DNAJC3: variants seen among roughly 807,000 people sequenced by gnomAD.
DNAJC3 encodes the protein DnaJ heat shock protein family (Hsp40) member C3.
DNAJC3 carries 38 observed loss-of-function variants against 68.6 expected under a neutral mutation model. The observed-to-expected ratio is 0.55, with a 90% CI of 0.43 to 0.73. The LOEUF is 0.73. DNAJC3 is among the 30% of genes least tolerant of loss of function. The pLI is 0.00. For synonymous variants in DNAJC3, 203 were observed against 204.0 expected (o/e 1.00, Z 0.04); for missense variants, 526 against 591.9 (o/e 0.89, Z 1.16).
At chr13:95,711,751 T>A (rs776118132) in intron 2 of DNAJC3, among the ~76,000 whole-genome samples, 22 of 152,064 alleles carry the variant, frequency 1.4e-4, no homozygotes, top group Non-Finnish European at 2.1e-4. Flanking sequence ...AAATAACAAA[T>A]TTATAATTAC....
rs188112042 is a variant in DNAJC3, at chr13:95,680,386, T to C, written c.82+3049T>C. ...ATACGTATAAAATATTGTGATAAGTTTTATTTGAACCATGATAAGTTTTAT... is the reference window on the plus strand; with the variant it reads ...ATACGTATAAAATATTGTGATAAGTCTTATTTGAACCATGATAAGTTTTAT... On this transcript the variant is annotated intron_variant, in intron 1 of 11. Coordinates refer to ENST00000602402, the MANE Select transcript of DNAJC3 (RefSeq NM_006260.5). Among the ~76,000 whole-genome samples, 1,312 of 152,264 alleles carry C rather than the reference T, an allele frequency of 8.6e-3. 7 individuals carry two copies. Among genetic ancestry groups the C allele is most frequent in the Non-Finnish European group, 0.013 (882 of 68,010 alleles).
chr13:95,790,059 TGTTTA>T (rs1264954849), intron 11 of DNAJC3, among the ~76,000 whole-genome samples: 1 of 152,248 alleles, frequency 6.6e-6, no homozygotes, highest in Non-Finnish European at 1.5e-5. Flanking sequence ...GTAGGTTGTC[TGTTTA>T]CTCTGTTGAT....
intron 1 of DNAJC3, among the ~76,000 whole-genome samples, chr13:95,680,912 A>C (rs1036364256): frequency 1.3e-5 from 2 of 152,200 alleles, no homozygotes; most frequent in African/African-American, 2.4e-5. Context: ...CCATATCTTT[A>C]GAAAGCTACT....
intron 1 of DNAJC3, among the ~76,000 whole-genome samples, chr13:95,681,602 C>A (rs750758785): frequency 3.9e-5 from 6 of 152,204 alleles, no homozygotes; most frequent in Non-Finnish European, 5.9e-5. Flanking sequence ...AATCCTCATC[C>A]CTTGGCCTCC....
rs2139637801 is a variant in DNAJC3 at position 95,720,467 on chromosome 13, G to T, written c.194-2775G>T. 2.0e-5 allele frequency among the ~76,000 whole-genome samples: 3 copies of T among 152,254 alleles called. No homozygotes were observed. The South Asian group carries it at 6.2e-4, about 32-fold the overall frequency. On this transcript the variant is annotated intron_variant, in intron 2 of 11. Coordinates refer to ENST00000602402, the MANE Select transcript of DNAJC3 (RefSeq NM_006260.5). ...AGCCACTGTTGACACGCAGTGAACT[G>T]CCTTTGCTGTCTGGTGCGTCACTTA...
At chr13:95,750,262 C>CAA (rs1204619522) in intron 4 of DNAJC3, among the ~76,000 whole-genome samples, 6,747 of 65,144 alleles carry the variant, frequency 0.1, 252 homozygotes, top group East Asian at 0.25. Flanking sequence ...GACCCTGTCT[C>CAA]AAAAAAAAAA....
intron 9 of DNAJC3, among the ~76,000 whole-genome samples, chr13:95,773,152 GTTTT>G (rs1191609072): frequency 1.0e-5 from 1 of 97,822 alleles, no homozygotes; most frequent in African/African-American, 3.9e-5. Flanking sequence ...GACAAATTTA[GTTTT>G]TTTTTTTTTT....
At chr13:95,758,342 ATAT>A (rs1261160806) in intron 5 of DNAJC3, among the ~76,000 whole-genome samples, 1 of 152,034 alleles carries the variant, frequency 6.6e-6, no homozygotes, top group Non-Finnish European at 1.5e-5. Context: ...GCCTCTAAAA[ATAT>A]TAATAATTGG....
chr13:95,757,884 C>T, intron 5 of DNAJC3, 88 bp downstream of exon 5: 1 of 1,343,732 alleles, frequency 7.4e-7, no homozygotes, highest in South Asian at 2.2e-5. Context: ...ACCACAAAGA[C>T]CTAGACAGGA....
intron 1 of DNAJC3, chr13:95,694,289 C>T (rs1441525485): frequency 1.3e-5 from 2 of 152,496 alleles, no homozygotes; most frequent in East Asian, 1.9e-4. Flanking sequence ...GCTATTGCCA[C>T]AGTATAACCA....
At chr13:95,678,485 G>A (rs17885081) in intron 1 of DNAJC3, among the ~76,000 whole-genome samples, 28,789 of 152,058 alleles carry the variant, frequency 0.19, 3,634 homozygotes, top group African/African-American at 0.35. Context: ...ACGTAGTGTG[G>A]CAACATTGGG....
Position 95,787,103 on chromosome 13 carries a change from T to G in DNAJC3, c.1305T>G (p.Ala435=). ...AGAATGAAGAAGAAAAGAAAAAAGC[T>G]GAGAAAAAGTTCATTGATATAGCAG... The part of the protein sequence containing the change: ...NFQNEEEKKK[A]EKKFIDIAAA... The change falls in exon 11 of 12, where the codon GCT becomes GCG. Residue 435 remains alanine (A), a synonymous_variant. Transcript: ENST00000602402. 1 of 1,614,006 alleles carries G rather than the reference T, an allele frequency of 6.2e-7. No homozygotes were observed. Among genetic ancestry groups the G allele is most frequent in the Non-Finnish European group, 8.5e-7 (1 of 1,179,946 alleles).
chr13:95,711,387 C>A lies in DNAJC3; in HGVS notation c.193+2050C>A, dbSNP rs149242349. On this transcript the variant is annotated intron_variant, in intron 2 of 11. Coordinates refer to ENST00000602402, the MANE Select transcript of DNAJC3 (RefSeq NM_006260.5). ...TGGTGGCCACCTATAATCCTAGCTA[C>A]TTGGGAAGCCAAGACTGGAGAATCA... Among the ~76,000 whole-genome samples, 541 of 152,174 alleles carry A rather than the reference C, an allele frequency of 3.6e-3. 4 individuals are homozygous for A. The highest frequency in any genetic ancestry group is 0.012 in the African/African-American group (515 of 41,500).
intron 7 of DNAJC3, among the ~76,000 whole-genome samples, chr13:95,761,929 C>T (rs536440776): frequency 2.6e-5 from 4 of 152,120 alleles, no homozygotes; most frequent in East Asian, 3.9e-4. Flanking sequence ...CCCCCTCATT[C>T]GAATTGTCTG....
chr13:95,786,116 C>CT (rs1883595493), intron 10 of DNAJC3, 45 bp downstream of exon 10: 3 of 1,530,834 alleles, frequency 2.0e-6, no homozygotes, highest in African/African-American at 2.8e-5. Context: ...TTAATCAACT[C>CT]TGTTTCAAAG....
intron 1 of DNAJC3, among the ~76,000 whole-genome samples, chr13:95,686,481 G>GGGTCTTCGTCATAAGTTGTTTGC (rs1880076496): frequency 6.6e-6 from 1 of 152,100 alleles, no homozygotes; most frequent in African/African-American, 2.4e-5. Flanking sequence ...TTTGTGTTTG[G>GGGTCTTCGTCATAAGTTGTTTGC]GGTCTTCGTC....
At chr13:95,734,431 T>A (rs1021654121) in intron 4 of DNAJC3, among the ~76,000 whole-genome samples, 3 of 152,218 alleles carry the variant, frequency 2.0e-5, no homozygotes, top group African/African-American at 7.2e-5. Context: ...AATGTTTTTA[T>A]CTTCTGTTTT....
At chr13:95,705,927 A>G (rs1273739635) in intron 1 of DNAJC3, among the ~76,000 whole-genome samples, 1 of 152,188 alleles carries the variant, frequency 6.6e-6, no homozygotes, top group Non-Finnish European at 1.5e-5. Flanking sequence ...TAGGTAACAC[A>G]TGATAAATCC....
Position 95,791,930 on chromosome 13 carries a change from C to G in DNAJC3, c.*900C>G, listed in dbSNP as rs1437315217. 6.6e-6 allele frequency: 1 copy of G among 152,212 alleles called. No homozygotes were observed. The highest frequency in any genetic ancestry group is 1.5e-5 in the Non-Finnish European group (1 of 68,034). 9.4% of individuals were successfully genotyped at this position (152,212 alleles called of 1,614,324 possible). On this transcript the variant is annotated 3_prime_UTR_variant, in exon 12 of 12. Transcript: ENST00000602402. Reference sequence around the variant, plus strand: ...TAGAAACGTAAAGTTGCGCAGTCAACATAAATAAATACAGAATGCCATGTT... The same window carrying G: ...TAGAAACGTAAAGTTGCGCAGTCAAGATAAATAAATACAGAATGCCATGTT...
Sources: allele counts gnomAD v4.1 joint callset (sites outside exome capture counted in the v4.1 genomes callset), GRCh38; gene constraint gnomAD v4.1.1; transcripts MANE v1.5; gene names NCBI Gene and HGNC (gene_info 2026-07-23, HGNC 2026-07-21).